Variants in PRR16 observed in about 807,000 individuals in gnomAD.
PRR16 encodes the protein proline rich 16.
In PRR16, 6 loss-of-function variants were observed where a neutral mutation model predicts 18.2. The observed-to-expected ratio is 0.33, with a 90% CI of 0.18 to 0.65. The LOEUF is 0.65. Among genes scored for constraint, PRR16 ranks in the 30% least tolerant of loss-of-function variants. PRR16 has a pLI of 0.74. For missense variants in PRR16, 412 were observed against 376.6 expected (o/e 1.09, Z -0.78); for synonymous variants, 151 against 147.8 (o/e 1.02, Z -0.16).
intron 1 of PRR16, among the ~76,000 whole-genome samples, chr5:120,652,579 T>G (rs1364932260): frequency 6.6e-6 from 1 of 152,086 alleles, no homozygotes; most frequent in Middle Eastern, 3.4e-3. Context: ...ATTTCCTTAG[T>G]CTAACCATAA....
At chr5:120,626,353 A>T (rs1754865405) in intron 1 of PRR16, among the ~76,000 whole-genome samples, 2 of 152,196 alleles carry the variant, frequency 1.3e-5, no homozygotes, top group African/African-American at 4.8e-5. Flanking sequence ...CAGTATGTTA[A>T]GTAAAAGAAA....
the PRR16 span, among the ~76,000 whole-genome samples, chr5:120,765,729 AGATT>A: frequency 4.6e-5 from 7 of 152,198 alleles, no homozygotes; most frequent in Admixed American, 2.0e-4. Flanking sequence ...ATCCAGAAAT[AGATT>A]ATTACCAACA....
chr5:120,669,866 C>A (rs4640828), intron 1 of PRR16, among the ~76,000 whole-genome samples: 136,841 of 152,060 alleles, frequency 0.9, 62,789 homozygotes, highest in East Asian at 1. Context: ...AGAAATATAC[C>A]GTTTTGAACA....
chr5:120,586,604 A>T (rs879262640), intron 1 of PRR16, among the ~76,000 whole-genome samples: 6 of 152,250 alleles, frequency 3.9e-5, no homozygotes, highest in East Asian at 3.9e-4. Context: ...GTGGTCTTCA[A>T]TGTTACTATT....
At chr5:120,672,218 T>G (rs1756631275) in intron 1 of PRR16, among the ~76,000 whole-genome samples, 1 of 147,858 alleles carries the variant, frequency 6.8e-6, no homozygotes, top group South Asian at 2.2e-4. Flanking sequence ...GGGCTAATTC[T>G]TGAAGGGCAG....
the PRR16 span, among the ~76,000 whole-genome samples, chr5:120,785,569 G>GTTTTTTTT: frequency 7.0e-5 from 7 of 99,648 alleles, no homozygotes; most frequent in African/African-American, 2.6e-4. Context: ...GTGTTTTGTT[G>GTTTTTTTT]TTGTTGTTTT....
chr5:120,594,719 T>A (rs1343619335), intron 1 of PRR16, among the ~76,000 whole-genome samples: 2 of 152,126 alleles, frequency 1.3e-5, no homozygotes, highest in African/African-American at 4.8e-5. Context: ...ACTATAGGGC[T>A]ACAGTAGCCA....
chr5:120,689,075 A>G (rs972665483), downstream of PRR16, among the ~76,000 whole-genome samples: 4 of 152,170 alleles, frequency 2.6e-5, no homozygotes, highest in East Asian at 7.7e-4. Flanking sequence ...CCCAAATGTT[A>G]TAGTTTTGAC....
intron 1 of PRR16, among the ~76,000 whole-genome samples, chr5:120,648,947 T>C (rs1755687038): frequency 1.3e-5 from 2 of 152,130 alleles, no homozygotes; most frequent in Non-Finnish European, 2.9e-5. Context: ...CTCAAGACCA[T>C]GGATAATAGT....
At chr5:120,738,760 T>G in the PRR16 span, among the ~76,000 whole-genome samples, 1 of 152,156 alleles carries the variant, frequency 6.6e-6, no homozygotes, top group South Asian at 2.1e-4. Flanking sequence ...CTGACTGATT[T>G]GTGCTGAGTG....
chr5:120,660,068 T>C (rs1312542049), intron 1 of PRR16, among the ~76,000 whole-genome samples: 3 of 151,858 alleles, frequency 2.0e-5, no homozygotes, highest in African/African-American at 7.3e-5. Flanking sequence ...GTGTAGGGCA[T>C]AGAAGAGTGT....
At chr5:120,543,270 G>A (rs1225770124) in intron 1 of PRR16, among the ~76,000 whole-genome samples, 1 of 152,050 alleles carries the variant, frequency 6.6e-6, no homozygotes, top group Non-Finnish European at 1.5e-5. Flanking sequence ...CTACTTAATA[G>A]GTGTTTAAGA....
At chr5:120,543,623 G>C (rs1751984354) in intron 1 of PRR16, among the ~76,000 whole-genome samples, 1 of 152,108 alleles carries the variant, frequency 6.6e-6, no homozygotes, top group African/African-American at 2.4e-5. Flanking sequence ...ACAGAATAAT[G>C]ATTGCTAATA....
At chr5:120,569,517 G>T (rs145790653) in intron 1 of PRR16, among the ~76,000 whole-genome samples, 96 of 152,268 alleles carry the variant, frequency 6.3e-4, no homozygotes, top group African/African-American at 2.1e-3. Context: ...TACTGTCTTG[G>T]AAGAGATAAT....
intron 1 of PRR16, among the ~76,000 whole-genome samples, chr5:120,656,755 G>T (rs949167152): frequency 2.6e-5 from 4 of 151,896 alleles, no homozygotes; most frequent in African/African-American, 9.7e-5. Flanking sequence ...ATACATAAGT[G>T]ATATATTTGT....
chr5:120,547,575 G>C (rs1170875623), intron 1 of PRR16, among the ~76,000 whole-genome samples: 1 of 150,620 alleles, frequency 6.6e-6, no homozygotes, highest in Non-Finnish European at 1.5e-5. Context: ...TTTTTTTACA[G>C]TAGTAGCTAC....
intron 1 of PRR16, among the ~76,000 whole-genome samples, chr5:120,602,895 C>G (rs1247594267): frequency 6.6e-6 from 1 of 151,940 alleles, no homozygotes; most frequent in African/African-American, 2.4e-5. Context: ...AAACCATCAT[C>G]GCATCTCAGG....
chr5:120,652,560 C>G (rs1755828640), intron 1 of PRR16, among the ~76,000 whole-genome samples: 1 of 151,950 alleles, frequency 6.6e-6, no homozygotes, highest in African/African-American at 2.4e-5. Context: ...GTGGTCTTCT[C>G]AAAAACACAT....
chr5:120,510,520 T>TAC (rs1198174768), intron 1 of PRR16, among the ~76,000 whole-genome samples: 2 of 152,216 alleles, frequency 1.3e-5, no homozygotes, highest in Non-Finnish European at 2.9e-5. Flanking sequence ...AGAAAAAGAC[T>TAC]ATGTCCCATG....
Sources: allele counts gnomAD v4.1 joint callset (sites outside exome capture counted in the v4.1 genomes callset), GRCh38; gene constraint gnomAD v4.1.1; transcripts MANE v1.5; gene names NCBI Gene and HGNC (gene_info 2026-07-23, HGNC 2026-07-21).